The following PEAK1 variants were observed in gnomAD, a reference collection of about 807,000 sequenced individuals.
PEAK1 encodes the protein inactive tyrosine-protein kinase PEAK1.
Under a neutral mutation model 124.7 loss-of-function variants are expected in PEAK1, and 54 were observed. The observed-to-expected ratio is 0.43, with a 90% CI of 0.35 to 0.54. The LOEUF is 0.54. Among genes scored for constraint, PEAK1 ranks in the 20% least tolerant of loss-of-function variants. The pLI, the probability that PEAK1 is intolerant of heterozygous loss-of-function variation, is 0.01. For synonymous variants in PEAK1, 719 were observed against 760.0 expected, an observed-to-expected ratio of 0.95 and a Z score of 0.89; for missense variants, 2,046 against 2,134.5, an observed-to-expected ratio of 0.96 and a Z score of 0.82.
rs116939920 is a variant in PEAK1, at chr15:77,164,156, G to A, written c.3138-5460C>T. On this transcript the variant is annotated intron_variant, in intron 7 of 9. Coordinates refer to ENST00000682557, the MANE Select transcript of PEAK1 (RefSeq NM_001385026.1). The stretch of plus-strand genomic sequence containing the variant: ...ACATTTCTTAATCTTTAGTTTCCAG[G>A]TCATCAACTTGATTTTGCCACACTT... 8.4e-3 allele frequency among the ~76,000 whole-genome samples: 1,279 copies of A among 152,102 alleles called. 13 individuals carry two copies. The highest frequency in any genetic ancestry group is 0.044 in the South Asian group (214 of 4,810).
chr15:77,348,731 A>G, intron 2 of PEAK1: 1 of 982,264 alleles, frequency 1.0e-6, no homozygotes. Flanking sequence ...AAAGTCAGCC[A>G]GCTTCTTAGT....
intron 2 of PEAK1, chr15:77,348,599 G>A (rs2067013499): frequency 1.0e-6 from 1 of 979,998 alleles, no homozygotes; most frequent in Non-Finnish European, 1.2e-6. Context: ...GCAGAAAAAG[G>A]GCTAAAATCT....
At chr15:77,284,614 A>G (rs2062828618) in intron 4 of PEAK1, among the ~76,000 whole-genome samples, 1 of 152,180 alleles carries the variant, frequency 6.6e-6, no homozygotes, top group Non-Finnish European at 1.5e-5. Flanking sequence ...GGTTACAATG[A>G]AAAGCTTGTT....
chr15:77,349,001 A>T (rs1241648380), intron 2 of PEAK1: 84 of 951,382 alleles, frequency 8.8e-5, no homozygotes, highest in Non-Finnish European at 1.1e-4. Context: ...TAATACAAAA[A>T]AATGCCTTAG....
intron 6 of PEAK1, chr15:77,204,725 A>C (rs1421238848): frequency 6.6e-6 from 1 of 152,654 alleles, no homozygotes; most frequent in East Asian, 1.9e-4. Flanking sequence ...AACATGGTGA[A>C]ACCCCGTCTC....
chr15:77,254,907 G>C (rs2061055370), intron 5 of PEAK1, among the ~76,000 whole-genome samples: 1 of 152,122 alleles, frequency 6.6e-6, no homozygotes, highest in African/African-American at 2.4e-5. Context: ...ATAATAAACT[G>C]ATTTCAGAGA....
At chr15:77,295,535 A>T (rs773660775) in intron 2 of PEAK1, among the ~76,000 whole-genome samples, 9 of 152,168 alleles carry the variant, frequency 5.9e-5, no homozygotes, top group Non-Finnish European at 1.3e-4. Flanking sequence ...ACTCTGATTC[A>T]TTTAAGCAGA....
At chr15:77,336,910 A>C (rs1180273588) in intron 2 of PEAK1, among the ~76,000 whole-genome samples, 1 of 152,094 alleles carries the variant, frequency 6.6e-6, no homozygotes, top group Non-Finnish European at 1.5e-5. Flanking sequence ...AAAAAGAATA[A>C]AATGGGATGT....
intron 1 of PEAK1, among the ~76,000 whole-genome samples, chr15:77,380,689 G>C (rs2069404501): frequency 6.6e-6 from 1 of 151,708 alleles, no homozygotes. Context: ...GTGTTGCCCA[G>C]GCTGGTTTCA....
chr15:77,352,388 C>T, intron 2 of PEAK1: 1 of 985,188 alleles, frequency 1.0e-6, no homozygotes, highest in Non-Finnish European at 1.2e-6. Flanking sequence ...CTCAAATGGC[C>T]CTGAGTCCAC....
At chr15:77,343,100 A>G (rs2066643266) in intron 2 of PEAK1, among the ~76,000 whole-genome samples, 2 of 152,194 alleles carry the variant, frequency 1.3e-5, no homozygotes, top group African/African-American at 2.4e-5. Flanking sequence ...AAAGGTTCCA[A>G]TTTATCCGTG....
intron 1 of PEAK1, among the ~76,000 whole-genome samples, chr15:77,397,197 G>T (rs529241986): frequency 6.6e-6 from 1 of 152,254 alleles, no homozygotes; most frequent in South Asian, 2.1e-4. Flanking sequence ...TAAACAATAT[G>T]CTCCTGAATG....
rs552809896 is a variant in PEAK1, at chr15:77,409,506, G to A, written c.-666+10500C>T. On this transcript the variant is annotated intron_variant, in intron 1 of 9. Coordinates refer to ENST00000682557, the MANE Select transcript of PEAK1 (RefSeq NM_001385026.1). ...TTAACCACAATGTTGCTTACTCTCA[G>A]AAAGTAACATGCTCATGAAAGCCCA... Among the ~76,000 whole-genome samples the A allele has an allele frequency of 4.6e-5, 7 of 152,242 alleles. No individual in the cohort carries two copies. The East Asian group carries it at 1.2e-3, about 25-fold the overall frequency.
chr15:77,255,338 G>A (rs1418116879), intron 5 of PEAK1: 1 of 964,622 alleles, frequency 1.0e-6, no homozygotes, highest in African/African-American at 1.8e-5. Context: ...ATTCTGTTTG[G>A]GTTCTGACTC....
intron 6 of PEAK1, among the ~76,000 whole-genome samples, chr15:77,188,896 C>T (rs2057684537): frequency 6.6e-6 from 1 of 151,962 alleles, no homozygotes; most frequent in African/African-American, 2.4e-5. Context: ...GCCCTTTACC[C>T]ATAAAAACTC....
At chr15:77,320,278 C>G (rs2153015912) in intron 2 of PEAK1, among the ~76,000 whole-genome samples, 1 of 152,212 alleles carries the variant, frequency 6.6e-6, no homozygotes, top group East Asian at 1.9e-4. Context: ...AATGTCTATC[C>G]CCACCATACT....
At chr15:77,176,220 T>A (rs2056859440) in intron 7 of PEAK1, among the ~76,000 whole-genome samples, 1 of 144,162 alleles carries the variant, frequency 6.9e-6, no homozygotes, top group Non-Finnish European at 1.5e-5. Context: ...ACCTGCACAT[T>A]GTGCACATGT....
chr15:77,324,474 A>G (rs2065442113), intron 2 of PEAK1, among the ~76,000 whole-genome samples: 1 of 152,204 alleles, frequency 6.6e-6, no homozygotes, highest in Non-Finnish European at 1.5e-5. Flanking sequence ...GTCCCAAAAG[A>G]AAAAATAAAA....
At chr15:77,171,209 T>C (rs1037502142) in intron 7 of PEAK1, among the ~76,000 whole-genome samples, 1 of 152,208 alleles carries the variant, frequency 6.6e-6, no homozygotes, top group Admixed American at 6.5e-5. Flanking sequence ...TCAGCACTTC[T>C]CAAACTTTTT....
Sources: allele counts gnomAD v4.1 joint callset (sites outside exome capture counted in the v4.1 genomes callset), GRCh38; gene constraint gnomAD v4.1.1; transcripts MANE v1.5; gene names NCBI Gene and HGNC (gene_info 2026-07-23, HGNC 2026-07-21).